The following SEL1L3 variants were observed in gnomAD, a reference collection of about 807,000 sequenced individuals.
SEL1L3 encodes protein sel-1 homolog 3.
A neutral mutation model predicts 142.8 loss-of-function variants in SEL1L3; 76 were observed. The ratio of observed to expected loss-of-function variants is 0.53; its 90% CI spans 0.44 to 0.64. SEL1L3 has a LOEUF of 0.64. SEL1L3 is among the 30% of genes least tolerant of loss of function. SEL1L3 has a pLI of 0.00. For missense variants in SEL1L3, 1,262 were observed against 1,381.7 expected, an observed-to-expected ratio of 0.91 and a Z score of 1.37; for synonymous variants, 504 against 519.6, an observed-to-expected ratio of 0.97 and a Z score of 0.41.
intron 7 of SEL1L3, 48 bp downstream of exon 7, chr4:25,821,948 C>T: frequency 1.9e-6 from 3 of 1,591,390 alleles, no homozygotes; most frequent in South Asian, 2.3e-5. Flanking sequence ...CTGAGGCCCA[C>T]ACCCATCACC....
intron 2 of SEL1L3, among the ~76,000 whole-genome samples, chr4:25,843,772 C>A (rs1716322714): frequency 6.6e-6 from 1 of 152,210 alleles, no homozygotes; most frequent in South Asian, 2.1e-4. Context: ...GTTTTCCCTG[C>A]AGGGCTGGGT....
At position 25,767,517 on chromosome 4, in the gene SEL1L3, A is replaced by C; in HGVS notation, c.2845+8T>G. ...TGCTTCAATTTTGCACCGTTTTTCTATACATACCAAAGGAAGGAGCATCGA... is the reference window on the plus strand; with the variant it reads ...TGCTTCAATTTTGCACCGTTTTTCTCTACATACCAAAGGAAGGAGCATCGA... On this transcript the variant is annotated splice_region_variant and intron_variant, in intron 19 of 23. Transcript: ENST00000399878. The C allele has an allele frequency of 1.3e-6, 2 of 1,506,524 alleles. No individual in the cohort carries two copies. Among genetic ancestry groups the C allele is most frequent in the Non-Finnish European group, 1.8e-6 (2 of 1,089,250 alleles). 93.3% of individuals were successfully genotyped at this position (1,506,524 alleles called of 1,614,324 possible).
chr4:25,742,057 C>T, the SEL1L3 span, among the ~76,000 whole-genome samples: 1 of 151,826 alleles, frequency 6.6e-6, no homozygotes, highest in Non-Finnish European at 1.5e-5. Flanking sequence ...AGTGATCTGC[C>T]TGCCTCGGCC....
At chr4:25,739,727 A>C in the SEL1L3 span, among the ~76,000 whole-genome samples, 105 of 146,610 alleles carry the variant, frequency 7.2e-4, no homozygotes, top group Non-Finnish European at 1.1e-3. Flanking sequence ...AAACAAAAAA[A>C]AAACCCATGT....
intron 19 of SEL1L3, among the ~76,000 whole-genome samples, chr4:25,767,187 G>A (rs951937482): frequency 2.0e-5 from 3 of 151,966 alleles, no homozygotes; most frequent in Non-Finnish European, 4.4e-5. Flanking sequence ...CCAGCTACTC[G>A]GGCAGGAGAA....
At chr4:25,819,477 T>C (rs775058374) in intron 8 of SEL1L3, among the ~76,000 whole-genome samples, 6 of 152,258 alleles carry the variant, frequency 3.9e-5, no homozygotes, top group Non-Finnish European at 7.3e-5. Flanking sequence ...CCAGTTCATT[T>C]TTATTTTCTT....
At chr4:25,775,425 G>A (rs1357485743) in intron 17 of SEL1L3, among the ~76,000 whole-genome samples, 1 of 152,164 alleles carries the variant, frequency 6.6e-6, no homozygotes, top group African/African-American at 2.4e-5. Context: ...TTTTAATTAA[G>A]GTTCAAATCA....
chr4:25,829,973 A>G lies in SEL1L3; in HGVS notation c.1157+125T>C, dbSNP rs1247010075. 5.9e-6 allele frequency: 4 copies of G among 680,290 alleles called. No homozygotes were observed. In the African/African-American group the frequency reaches 7.2e-5, roughly 12 times the overall value. The allele number at this position is 680,290 out of a possible 1,614,324, so 42.1% of individuals were successfully genotyped here. A position where few individuals can be genotyped will look rare whatever the true frequency, so the allele number is the denominator to read the frequency against. On this transcript the variant is annotated intron_variant, in intron 6 of 23. Transcript: ENST00000399878. ...ACAAAGACTAGCTACAGGGCAGAGAATAATCCATGCTTGGAAAAGCTGAAT... is the reference window on the plus strand; with the variant it reads ...ACAAAGACTAGCTACAGGGCAGAGAGTAATCCATGCTTGGAAAAGCTGAAT...
the SEL1L3 span, among the ~76,000 whole-genome samples, chr4:25,736,031 G>A: frequency 2.6e-4 from 39 of 151,390 alleles, no homozygotes; most frequent in African/African-American, 6.8e-4. Context: ...GGGTTTCACC[G>A]TGTTAGCCAG....
the SEL1L3 span, among the ~76,000 whole-genome samples, chr4:25,721,342 A>C: frequency 2.6e-5 from 4 of 152,080 alleles, no homozygotes; most frequent in Non-Finnish European, 5.9e-5. Flanking sequence ...AATAATGAAG[A>C]GCTGTCAAAT....
At chr4:25,853,287 T>C (rs1717022474) in intron 1 of SEL1L3, among the ~76,000 whole-genome samples, 1 of 152,328 alleles carries the variant, frequency 6.6e-6, no homozygotes, top group East Asian at 1.9e-4. Context: ...CATTTCACCG[T>C]GTACTCTCCA....
intron 20 of SEL1L3, among the ~76,000 whole-genome samples, chr4:25,764,778 A>G (rs1560282243): frequency 6.6e-6 from 1 of 152,154 alleles, no homozygotes; most frequent in African/African-American, 2.4e-5. Flanking sequence ...AATAGGGTAT[A>G]ATAATCCGCA....
the SEL1L3 span, among the ~76,000 whole-genome samples, chr4:25,734,885 A>T: frequency 6.6e-6 from 1 of 152,084 alleles, no homozygotes; most frequent in Non-Finnish European, 1.5e-5. Flanking sequence ...ATCTATGTTT[A>T]TGAGGAATAT....
chr4:25,734,837 G>T, the SEL1L3 span, among the ~76,000 whole-genome samples: 3 of 152,044 alleles, frequency 2.0e-5, no homozygotes, highest in African/African-American at 7.2e-5. Context: ...CCAAAATGCT[G>T]GGATTATAGG....
intron 13 of SEL1L3, among the ~76,000 whole-genome samples, chr4:25,786,672 T>C (rs768102713): frequency 6.6e-6 from 1 of 152,236 alleles, no homozygotes; most frequent in Non-Finnish European, 1.5e-5. Context: ...ACGTGACTCA[T>C]GCATCCATAT....
At chr4:25,752,231 A>T (rs1717646916) in intron 23 of SEL1L3, among the ~76,000 whole-genome samples, 1 of 151,850 alleles carries the variant, frequency 6.6e-6, no homozygotes. Context: ...AGCACAGCCA[A>T]CATGGTGAAA....
chr4:25,818,274 G>T lies in SEL1L3; in HGVS notation c.1428C>A (p.His476Gln). 1 of 1,599,044 alleles carries T rather than the reference G, an allele frequency of 6.3e-7. No homozygotes were observed. The highest frequency in any genetic ancestry group is 8.5e-7 in the Non-Finnish European group (1 of 1,172,668). The change falls in exon 9 of 24, where the codon CAC becomes CAA. Residue 476 changes from histidine to glutamine, a missense_variant. Physicochemically the swap from His to Gln is conservative, Grantham distance 24 (BLOSUM62 0). Around this residue, in one of 3 missense-constraint regions of SEL1L3, gnomAD observed 689 missense variants for 692.8 expected, o/e 0.99. Transcript: ENST00000399878. Reference sequence around the variant, plus strand: ...GGAGGTCCAGGTAGGAGTTGTGGAGGTGGCCTACACAGAAGAGGGAGCAGA... The same window carrying T: ...GGAGGTCCAGGTAGGAGTTGTGGAGTTGGCCTACACAGAAGAGGGAGCAGA... ...KHGGERQEACHLHNSYLDLQR... is the reference protein window; with the variant it reads ...KHGGERQEACQLHNSYLDLQR...
the SEL1L3 span, among the ~76,000 whole-genome samples, chr4:25,734,814 C>T: frequency 3.7e-4 from 56 of 152,086 alleles, no homozygotes; most frequent in Non-Finnish European, 7.4e-4. Context: ...GGTGATCCGC[C>T]CGCCTCAGCC....
intron 1 of SEL1L3, among the ~76,000 whole-genome samples, chr4:25,861,411 C>A (rs1316985948): frequency 6.6e-6 from 1 of 152,158 alleles, no homozygotes; most frequent in Non-Finnish European, 1.5e-5. Flanking sequence ...GATGCACAGG[C>A]AGAATTATAA....
Sources: gnomAD v4.1 joint callset for allele counts (sites outside exome capture counted in the v4.1 genomes callset) on GRCh38, gnomAD v4.1.1 for gene constraint, gnomAD v4.1.1 regional missense constraint, MANE v1.5 for transcripts, NCBI Gene and HGNC (gene_info 2026-07-23, HGNC 2026-07-21) for gene names.